Variants in MACROH2A2 observed in about 807,000 individuals in gnomAD.
MACROH2A2 encodes the protein macroH2A.2 histone.
MACROH2A2 carries 6 observed loss-of-function variants against 37.6 expected under a neutral mutation model. That is an observed-to-expected ratio of 0.16 (90% CI 0.09 to 0.32). The LOEUF (loss-of-function observed/expected upper bound fraction) is 0.32, where lower values mean the gene tolerates loss of function less well. Among genes scored for constraint, MACROH2A2 ranks in the 10% least tolerant of loss-of-function variants. The pLI is 1.00. For missense variants in MACROH2A2, 290 were observed against 485.9 expected, an observed-to-expected ratio of 0.60 and a Z score of 3.79; for synonymous variants, 192 against 202.7, an observed-to-expected ratio of 0.95 and a Z score of 0.45.
Position 70,053,212 on chromosome 10 carries a change from G to A in MACROH2A2, c.-60+212G>A, listed in dbSNP as rs866711433. ...TTGCTTCCTTGGGCGATAAAGGGGGGGCTGCTAAAGAAGTGGTCAAATTCC... is the reference window on the plus strand; with the variant it reads ...TTGCTTCCTTGGGCGATAAAGGGGGAGCTGCTAAAGAAGTGGTCAAATTCC... On this transcript the variant is annotated intron_variant, in intron 1 of 8. Transcript: ENST00000373255. The surrounding 1 kb of genome is among the most constrained non-coding windows in gnomAD (Gnocchi z 4.8). Among the ~76,000 whole-genome samples, 46 of 152,336 alleles carry A rather than the reference G, an allele frequency of 3.0e-4. 1 individual carries two copies. The Middle Eastern group carries it at 0.017, about 56-fold the overall frequency.
At chr10:70,083,643 C>T (rs1192442034) in intron 2 of MACROH2A2, among the ~76,000 whole-genome samples, 2 of 151,870 alleles carry the variant, frequency 1.3e-5, no homozygotes, top group Non-Finnish European at 2.9e-5. Context: ...CAGCAGCCTG[C>T]CTCACCTGAT....
chr10:70,088,118 G>A (rs187740134), intron 2 of MACROH2A2, among the ~76,000 whole-genome samples: 47 of 151,290 alleles, frequency 3.1e-4, no homozygotes, highest in African/African-American at 8.5e-4. Flanking sequence ...ACATGCACAC[G>A]CACACATATG....
At chr10:70,093,601 G>T in intron 4 of MACROH2A2, 134 bp from the exon 5 acceptor site, 1 of 586,646 alleles carries the variant, frequency 1.7e-6, no homozygotes, top group South Asian at 2.3e-5. Flanking sequence ...CCTCCTTCAA[G>T]AAACAGCAGA....
At chr10:70,074,073 A>G (rs1442798189) in intron 1 of MACROH2A2, among the ~76,000 whole-genome samples, 2 of 152,018 alleles carry the variant, frequency 1.3e-5, no homozygotes, top group Non-Finnish European at 1.5e-5. Flanking sequence ...GTCCCTTGTA[A>G]TTTGCTTTTA....
intron 3 of MACROH2A2, among the ~76,000 whole-genome samples, chr10:70,091,438 G>A (rs191372068): frequency 6.6e-6 from 1 of 152,322 alleles, no homozygotes; most frequent in Non-Finnish European, 1.5e-5. Flanking sequence ...CACTTTGGGA[G>A]GCCAAGGCAG....
At chr10:70,091,283 C>T (rs536856009) in intron 3 of MACROH2A2, among the ~76,000 whole-genome samples, 7 of 152,314 alleles carry the variant, frequency 4.6e-5, no homozygotes, top group African/African-American at 1.7e-4. Flanking sequence ...TGTTAACCTA[C>T]GGAGAAATGC....
intron 2 of MACROH2A2, among the ~76,000 whole-genome samples, chr10:70,079,579 A>ACACACT (rs2072162930): frequency 6.6e-6 from 1 of 151,180 alleles, no homozygotes; most frequent in Non-Finnish European, 1.5e-5. Flanking sequence ...ACACACACAC[A>ACACACT]CACACACACA....
At chr10:70,072,825 T>C (rs532098683) in intron 1 of MACROH2A2, among the ~76,000 whole-genome samples, 12 of 152,178 alleles carry the variant, frequency 7.9e-5, no homozygotes, top group Non-Finnish European at 1.5e-4. Flanking sequence ...GGCATGGTGG[T>C]GCACACCGAT....
At chr10:70,091,640 C>T in intron 3 of MACROH2A2, 117 bp from the exon 4 acceptor site, 4 of 729,338 alleles carry the variant, frequency 5.5e-6, no homozygotes, top group East Asian at 2.7e-5. Context: ...CGCCACTGCA[C>T]TCCAGCCTGG....
intron 7 of MACROH2A2, among the ~76,000 whole-genome samples, chr10:70,103,222 T>C (rs1032727109): frequency 3.3e-5 from 5 of 152,012 alleles, no homozygotes; most frequent in African/African-American, 1.2e-4. Flanking sequence ...GATATAACCA[T>C]GAGACCAAGC....
chr10:70,072,200 T>C (rs1243734057), intron 1 of MACROH2A2, among the ~76,000 whole-genome samples: 1 of 152,000 alleles, frequency 6.6e-6, no homozygotes, highest in Non-Finnish European at 1.5e-5. Flanking sequence ...TCTATAAGCA[T>C]TTTTCTTTTT....
intron 1 of MACROH2A2, among the ~76,000 whole-genome samples, chr10:70,056,764 G>T (rs1589829118): frequency 6.6e-6 from 1 of 152,176 alleles, no homozygotes; most frequent in Non-Finnish European, 1.5e-5. Flanking sequence ...CCCTTGCAAG[G>T]CTGAGAGTCC....
At chr10:70,091,730 C>T in intron 3 of MACROH2A2, 27 bp from the exon 4 acceptor site, 8 of 1,484,176 alleles carry the variant, frequency 5.4e-6, no homozygotes, top group Non-Finnish European at 7.5e-6. Context: ...CTGTTTGCTA[C>T]ATGAGCGCAT....
At position 70,100,226 on chromosome 10, in the gene MACROH2A2, C is replaced by T. The variant is rs2072298753; in HGVS notation, c.707C>T (p.Ala236Val). ...TTTGCAGGTAAAGCCTTGGAAAAGGCTGGGGGAAAAGAGTTCTTGGAAACG... is the reference window on the plus strand; with the variant it reads ...TTTGCAGGTAAAGCCTTGGAAAAGGTTGGGGGAAAAGAGTTCTTGGAAACG... ...KEDIGKALEK[A>V]GGKEFLETVK... Residue 236 changes from alanine to valine, a missense_variant, in exon 7 of 9, where the codon GCT becomes GTT. Physicochemically the swap from Ala to Val is moderately conservative, Grantham distance 64. Coordinates refer to ENST00000373255, the MANE Select transcript of MACROH2A2 (RefSeq NM_018649.3). The T allele has an allele frequency of 1.2e-6, 2 of 1,606,630 alleles. No individual in the cohort carries two copies. Among genetic ancestry groups the T allele is most frequent in the Admixed American group, 1.7e-5 (1 of 59,862 alleles).
intron 4 of MACROH2A2, among the ~76,000 whole-genome samples, chr10:70,092,303 C>T (rs1178452750): frequency 6.6e-6 from 1 of 152,158 alleles, no homozygotes; most frequent in Non-Finnish European, 1.5e-5. Flanking sequence ...CACAGTGGCT[C>T]ATGCCTGTAA....
chr10:70,056,825 C>T (rs2072020246), intron 1 of MACROH2A2, among the ~76,000 whole-genome samples: 2 of 152,168 alleles, frequency 1.3e-5, no homozygotes, highest in Admixed American at 1.3e-4. Context: ...ACTAAAAGAA[C>T]CCTCACAATT....
At chr10:70,083,345 C>T (rs926449120) in intron 2 of MACROH2A2, among the ~76,000 whole-genome samples, 2 of 152,188 alleles carry the variant, frequency 1.3e-5, no homozygotes, top group Admixed American at 6.5e-5. Context: ...GACAGTATTC[C>T]ACTCTTCTCT....
chr10:70,074,364 G>T (rs1163566577), intron 1 of MACROH2A2, among the ~76,000 whole-genome samples: 1 of 152,144 alleles, frequency 6.6e-6, no homozygotes, highest in African/African-American at 2.4e-5. Context: ...AGACGCTCAG[G>T]CTGCATTATG....
chr10:70,082,018 C>T (rs1383717848), intron 2 of MACROH2A2, among the ~76,000 whole-genome samples: 2 of 152,096 alleles, frequency 1.3e-5, no homozygotes, highest in Non-Finnish European at 2.9e-5. Context: ...TTTAAAAAAG[C>T]GTGCAGCCAC....
Sources: allele counts gnomAD v4.1 joint callset (sites outside exome capture counted in the v4.1 genomes callset), GRCh38; gene constraint gnomAD v4.1.1; non-coding constraint Gnocchi (gnomAD v3.1); transcripts MANE v1.5; gene names NCBI Gene and HGNC (gene_info 2026-07-23, HGNC 2026-07-21).